BPNT1: variants seen among roughly 807,000 people sequenced by gnomAD.
BPNT1 encodes the protein 3'(2'), 5'-bisphosphate nucleotidase 1, also known as 3'(2'),5'-bisphosphate nucleotidase 1.
A neutral mutation model predicts 36.9 loss-of-function variants in BPNT1; 28 were observed. The observed-to-expected ratio is 0.76, with a 90% CI of 0.56 to 1.04. The LOEUF (loss-of-function observed/expected upper bound fraction) is 1.04, where lower values mean the gene tolerates loss of function less well. Among genes scored for constraint, BPNT1 ranks in the 50% least tolerant of loss-of-function variants. The pLI is 0.00. For missense variants in BPNT1, 313 were observed against 372.9 expected, an observed-to-expected ratio of 0.84 and a Z score of 1.32; for synonymous variants, 119 against 130.9, an observed-to-expected ratio of 0.91 and a Z score of 0.62.
chr1:220,059,825 A>G lies in BPNT1; in HGVS notation c.673-34T>C, dbSNP rs372277833. On this transcript the variant is annotated intron_variant, in intron 7 of 8. Transcript: ENST00000322067. ...GTAAAAATAAGAATTATCCTTTGATAATAGAAAGAATAATTGAAAGTCATG... is the reference window on the plus strand; with the variant it reads ...GTAAAAATAAGAATTATCCTTTGATGATAGAAAGAATAATTGAAAGTCATG... 44 of 1,442,854 alleles carry G rather than the reference A, an allele frequency of 3.0e-5. 1 individual carries two copies. The African/African-American group carries it at 5.9e-4, about 19-fold the overall frequency. The allele number at this position is 1,442,854 out of a possible 1,614,324, so 89.4% of individuals were successfully genotyped here.
At chr1:220,088,165 C>A (rs541570786) in intron 1 of BPNT1, among the ~76,000 whole-genome samples, 1 of 151,564 alleles carries the variant, frequency 6.6e-6, no homozygotes, top group Non-Finnish European at 1.5e-5. Context: ...GCCACCGCGC[C>A]GGGCCATGAT....
Position 220,067,335 on chromosome 1 carries a change from T to C in BPNT1, c.441A>G (p.Ala147=). The part of the protein sequence containing the change: ...IGIAYEGKAI[A]GVINQPYYNY... ...TGTAATATGGCTGGTTAATAACTCC[T>C]GCTATGGCTTTTCCTTCATAAGCAA... The change falls in exon 6 of 9, where the codon GCA becomes GCG. Residue 147 remains alanine (A), a synonymous_variant. Transcript: ENST00000322067. 6.2e-7 allele frequency: 1 copy of C among 1,610,496 alleles called. No individual in the cohort carries two copies. The highest frequency in any genetic ancestry group is 1.3e-5 in the African/African-American group (1 of 74,962).
At chr1:220,081,542 CAA>C (rs961741061) in intron 1 of BPNT1, among the ~76,000 whole-genome samples, 2 of 135,428 alleles carry the variant, frequency 1.5e-5, no homozygotes, top group Non-Finnish European at 3.2e-5. Context: ...GAGTCCGTCT[CAA>C]AAAAAAAAAA....
Position 220,075,107 on chromosome 1 carries a change from G to A in BPNT1, c.121-1036C>T, listed in dbSNP as rs527712485. Among the ~76,000 whole-genome samples, 11 of 152,216 alleles carry A rather than the reference G, an allele frequency of 7.2e-5. No individual in the cohort carries two copies. In the South Asian group the frequency reaches 1.7e-3, roughly 23 times the overall value. ...CGCCTAGGCTGGAGTGCAGTGGCGC[G>A]ATCTCAGCTCACTGCAACCTTTGCC... On this transcript the variant is annotated intron_variant, in intron 2 of 8. Coordinates refer to ENST00000322067, the MANE Select transcript of BPNT1 (RefSeq NM_006085.6).
At chr1:220,067,238 A>G in intron 6 of BPNT1, 64 bp downstream of exon 6, 1 of 1,041,358 alleles carries the variant, frequency 9.6e-7, no homozygotes, top group Non-Finnish European at 1.3e-6. Context: ...AGGTAACATA[A>G]AGAATCAGAT....
chr1:220,059,767 C>T lies in BPNT1; in HGVS notation c.697G>A (p.Ala233Thr). The T allele has an allele frequency of 3.1e-6, 5 of 1,607,746 alleles. No individual in the cohort carries two copies. In the South Asian group the frequency reaches 5.6e-5, roughly 18 times the overall value. Residue 233 changes from alanine to threonine, a missense_variant, in exon 8 of 9, where the codon GCC becomes ACC. Transcript: ENST00000322067. ...GGACTTGCAAATACATAAGCAGAGG[C>T]TTTGCCTTCAATCAGCTGAATAATC... ...NKIIQLIEGK[A>T]SAYVFASPGC... is the part of the protein sequence containing the mutation.
chr1:220,078,734 A>C (rs1339187128), intron 2 of BPNT1, among the ~76,000 whole-genome samples: 1 of 151,666 alleles, frequency 6.6e-6, no homozygotes. Flanking sequence ...AGTAGCTGTG[A>C]GTATAGGTGT....
chr1:220,082,779 GAT>G (rs1336510427), intron 1 of BPNT1, among the ~76,000 whole-genome samples: 2 of 151,802 alleles, frequency 1.3e-5, no homozygotes, highest in Admixed American at 1.3e-4. Context: ...TAGAGACGGG[GAT>G]TCACCATGTT....
At chr1:220,084,323 G>T (rs966584277) in intron 1 of BPNT1, among the ~76,000 whole-genome samples, 2 of 150,794 alleles carry the variant, frequency 1.3e-5, no homozygotes, top group Non-Finnish European at 3.0e-5. Context: ...ACATAGCGAG[G>T]CTCTGTCTCA....
At chr1:220,082,404 T>G (rs1210797841) in intron 1 of BPNT1, among the ~76,000 whole-genome samples, 1 of 148,534 alleles carries the variant, frequency 6.7e-6, no homozygotes, top group African/African-American at 2.5e-5. Context: ...TGGTTTCGAA[T>G]TCCTGACCTC....
chr1:220,059,014 T>TC (rs747355163), intron 8 of BPNT1, 22 bp from the exon 9 acceptor site: 1 of 1,611,614 alleles, frequency 6.2e-7, no homozygotes, highest in Non-Finnish European at 8.5e-7. Flanking sequence ...CATCAATCAA[T>TC]CAATCAAGTT....
chr1:220,064,806 TTTTTTA>T (rs1489747794), intron 6 of BPNT1, among the ~76,000 whole-genome samples: 7 of 152,118 alleles, frequency 4.6e-5, no homozygotes, highest in Non-Finnish European at 8.8e-5. Flanking sequence ...AGCTATTTAT[TTTTTTA>T]TTTTTATTTT....
intron 2 of BPNT1, 127 bp downstream of exon 2, chr1:220,079,600 T>C: frequency 1.7e-6 from 2 of 1,177,816 alleles, no homozygotes; most frequent in Admixed American, 2.2e-5. Context: ...ACCAAGCGTC[T>C]TGCAGTCTCC....
At chr1:220,082,085 T>TATATATATAG (rs1171093697) in intron 1 of BPNT1, among the ~76,000 whole-genome samples, 25 of 103,278 alleles carry the variant, frequency 2.4e-4, no homozygotes, top group African/African-American at 9.1e-4. Context: ...TATATATATA[T>TATATATATAG]AGAGAGAGAG....
intron 6 of BPNT1, among the ~76,000 whole-genome samples, chr1:220,064,519 G>A (rs925870946): frequency 6.6e-6 from 1 of 152,188 alleles, no homozygotes; most frequent in African/African-American, 2.4e-5. Context: ...CGGGGAGTCT[G>A]GAGCTACAAT....
intron 8 of BPNT1, 109 bp downstream of exon 8, chr1:220,059,577 A>G: frequency 1.2e-6 from 1 of 840,424 alleles, no homozygotes; most frequent in Middle Eastern, 2.4e-4. Context: ...GCTGCCTTCT[A>G]GCTTTTATAT....
intron 1 of BPNT1, among the ~76,000 whole-genome samples, chr1:220,082,194 A>ATT (rs1655238998): frequency 2.1e-5 from 3 of 145,566 alleles, no homozygotes. Context: ...ATATATATAT[A>ATT]TTTTGAGACA....
At chr1:220,059,231 G>A (rs914087306) in intron 8 of BPNT1, among the ~76,000 whole-genome samples, 2 of 142,300 alleles carry the variant, frequency 1.4e-5, no homozygotes, top group African/African-American at 5.1e-5. Context: ...ATTTTATTTA[G>A]CATTTTCTTT....
intron 2 of BPNT1, among the ~76,000 whole-genome samples, chr1:220,076,694 A>T (rs1001961081): frequency 7.0e-6 from 1 of 143,598 alleles, no homozygotes; most frequent in Admixed American, 7.3e-5. Flanking sequence ...TTAAAAAAAA[A>T]AATAAATTAA....
Sources: allele counts gnomAD v4.1 joint callset (sites outside exome capture counted in the v4.1 genomes callset), GRCh38; gene constraint gnomAD v4.1.1; transcripts MANE v1.5; gene names NCBI Gene and HGNC (gene_info 2026-07-23, HGNC 2026-07-21).